The following ZNF804B variants were observed in gnomAD, a reference collection of about 807,000 sequenced individuals.
ZNF804B encodes zinc finger protein 804B.
ZNF804B carries 80 observed loss-of-function variants against 101.4 expected under a neutral mutation model. That is an observed-to-expected ratio of 0.79 (90% CI 0.66 to 0.95). The LOEUF (loss-of-function observed/expected upper bound fraction) is 0.95. ZNF804B is among the 40% of genes least tolerant of loss of function. The probability of loss-of-function intolerance (pLI) is 0.00; values close to 1 mark genes in which losing one functional copy is unlikely to be tolerated. For synonymous variants in ZNF804B, 622 were observed against 558.8 expected (o/e 1.11, Z -1.59); for missense variants, 1,673 against 1,561.9 (o/e 1.07, Z -1.20).
intron 1 of ZNF804B, among the ~76,000 whole-genome samples, chr7:89,130,561 C>G (rs1348028858): frequency 6.6e-6 from 1 of 151,824 alleles, no homozygotes; most frequent in East Asian, 1.9e-4. Context: ...TGTTCTGACC[C>G]CTGAAGGTTA....
In ZNF804B at chr7:88,968,666, A is replaced by G. The variant is rs565367285; in HGVS notation, c.108+208582A>G. Among the ~76,000 whole-genome samples the G allele has an allele frequency of 2.6e-3, 397 of 151,752 alleles. 2 individuals carry two copies. The highest frequency in any genetic ancestry group is 0.016 in the South Asian group (79 of 4,824). ...AGTTATGGAAGAATAAGGTGCATAC[A>G]TTGCTTTCAAATTGTAAGGAGACTT... is the stretch of plus-strand genomic sequence containing the variant. On this transcript the variant is annotated intron_variant, in intron 1 of 3. Transcript: ENST00000333190.
intron 2 of ZNF804B, among the ~76,000 whole-genome samples, chr7:89,292,908 T>C (rs1209746788): frequency 6.6e-6 from 1 of 151,864 alleles, no homozygotes; most frequent in Non-Finnish European, 1.5e-5. Context: ...TAACCAAAGG[T>C]ATCTAGGACC....
chr7:89,303,531 G>A (rs977022593), intron 2 of ZNF804B, among the ~76,000 whole-genome samples: 1 of 151,812 alleles, frequency 6.6e-6, no homozygotes, highest in Non-Finnish European at 1.5e-5. Context: ...ATTGCTACTT[G>A]TATAATTCTG....
At chr7:88,987,906 C>T (rs1472137643) in intron 1 of ZNF804B, among the ~76,000 whole-genome samples, 1 of 151,874 alleles carries the variant, frequency 6.6e-6, no homozygotes, top group African/African-American at 2.4e-5. Context: ...TAATCCCCTC[C>T]TCCTCCCTTT....
chr7:89,133,705 A>G (rs1406613849), intron 1 of ZNF804B, among the ~76,000 whole-genome samples: 1 of 152,058 alleles, frequency 6.6e-6, no homozygotes, highest in African/African-American at 2.4e-5. Context: ...GACCCTTTAC[A>G]AGCAAATAGT....
chr7:89,124,023 A>C (rs1473475135), intron 1 of ZNF804B, among the ~76,000 whole-genome samples: 4 of 152,152 alleles, frequency 2.6e-5, no homozygotes, highest in Non-Finnish European at 4.4e-5. Context: ...TTGCCTCCAG[A>C]AGGAACCACG....
intron 1 of ZNF804B, among the ~76,000 whole-genome samples, chr7:88,938,803 G>A (rs182585593): frequency 2.8e-4 from 42 of 151,936 alleles, no homozygotes; most frequent in Admixed American, 2.7e-3. Context: ...TATATAGCAA[G>A]CCCAAGAAAG....
At chr7:89,139,010 TGCACGTGCAC>T (rs1258024578) in intron 1 of ZNF804B, among the ~76,000 whole-genome samples, 1 of 152,082 alleles carries the variant, frequency 6.6e-6, no homozygotes, top group Non-Finnish European at 1.5e-5. Flanking sequence ...TCTATATGTG[TGCACGTGCAC>T]GCATGTGTGT....
intron 1 of ZNF804B, among the ~76,000 whole-genome samples, chr7:88,804,995 A>G (rs1562798662): frequency 6.6e-6 from 1 of 152,162 alleles, no homozygotes; most frequent in Non-Finnish European, 1.5e-5. Context: ...ATTTCACACT[A>G]GAGTATTTTT....
At chr7:88,791,733 G>A (rs1267492283) in intron 1 of ZNF804B, among the ~76,000 whole-genome samples, 1 of 152,066 alleles carries the variant, frequency 6.6e-6, no homozygotes, top group African/African-American at 2.4e-5. Context: ...TGAATAATAA[G>A]TGATACAAAG....
chr7:89,094,175 G>A (rs995804029), intron 1 of ZNF804B, among the ~76,000 whole-genome samples: 1 of 152,100 alleles, frequency 6.6e-6, no homozygotes, highest in African/African-American at 2.4e-5. Context: ...AGGCCATTTA[G>A]GTCACATGTT....
chr7:88,825,766 A>G (rs549399979), intron 1 of ZNF804B, among the ~76,000 whole-genome samples: 2 of 152,246 alleles, frequency 1.3e-5, no homozygotes, highest in South Asian at 4.1e-4. Context: ...AATTTTGCTC[A>G]GTTCCATCTG....
At chr7:89,251,656 G>A (rs1789542823) in intron 2 of ZNF804B, among the ~76,000 whole-genome samples, 1 of 151,876 alleles carries the variant, frequency 6.6e-6, no homozygotes, top group African/African-American at 2.4e-5. Context: ...ATACCATAAG[G>A]CTACAGTAAC....
intron 1 of ZNF804B, among the ~76,000 whole-genome samples, chr7:89,125,031 GT>G (rs527257099): frequency 0.031 from 4,110 of 131,462 alleles, 144 homozygotes; most frequent in African/African-American, 0.1. Context: ...GACAATTGTT[GT>G]TTTTTTTTTT....
intron 1 of ZNF804B, among the ~76,000 whole-genome samples, chr7:88,983,892 T>C (rs12670502): frequency 6.6e-6 from 1 of 152,078 alleles, no homozygotes; most frequent in African/African-American, 2.4e-5. Flanking sequence ...TTTGCTCTTG[T>C]ATCTTACTTT....
intron 2 of ZNF804B, among the ~76,000 whole-genome samples, chr7:89,221,011 G>A (rs144504572): frequency 5.3e-5 from 8 of 151,798 alleles, no homozygotes; most frequent in African/African-American, 1.9e-4. Flanking sequence ...ATATTAGAGG[G>A]TATTTTGTGT....
At position 89,333,637 on chromosome 7, in the gene ZNF804B, G is replaced by A. The variant is rs376211299; in HGVS notation, c.655G>A (p.Val219Ile). ...CAGCAATGCAAATCACAGAACAGGA[G>A]TATCATTTACTTTTTCCAAAAAAGT... Reference protein sequence around the residue: ...DLSNANHRTGVSFTFSKKVHL... With the variant: ...DLSNANHRTGISFTFSKKVHL... The change falls in exon 4 of 4, where the codon GTA becomes ATA. Residue 219 changes from valine (V) to isoleucine (I), a missense_variant. Transcript: ENST00000333190. 4.3e-6 allele frequency: 7 copies of A among 1,613,506 alleles called. No individual in the cohort carries two copies. The African/African-American group carries it at 8.0e-5, about 18-fold the overall frequency.
intron 1 of ZNF804B, among the ~76,000 whole-genome samples, chr7:88,764,682 T>A (rs1413915792): frequency 6.6e-6 from 1 of 152,144 alleles, no homozygotes. Flanking sequence ...CCCTTGTCCT[T>A]TTTTTCTAAT....
chr7:88,917,831 A>G (rs1409545028), intron 1 of ZNF804B, among the ~76,000 whole-genome samples: 1 of 152,178 alleles, frequency 6.6e-6, no homozygotes, highest in African/African-American at 2.4e-5. Flanking sequence ...GAAAAACGTG[A>G]GCAAATTGAA....
Sources: allele counts gnomAD v4.1 joint callset (sites outside exome capture counted in the v4.1 genomes callset), GRCh38; gene constraint gnomAD v4.1.1; transcripts MANE v1.5; gene names NCBI Gene and HGNC (gene_info 2026-07-23, HGNC 2026-07-21).